DNAH5: variants seen among roughly 807,000 people sequenced by gnomAD.
DNAH5 encodes the protein axonemal beta dynein heavy chain 5.
A neutral mutation model predicts 518.2 loss-of-function variants in DNAH5; 372 were observed. That is an observed-to-expected ratio of 0.72 (90% CI 0.66 to 0.78). The LOEUF (loss-of-function observed/expected upper bound fraction) is 0.78. Among genes scored for constraint, DNAH5 ranks in the 30% least tolerant of loss-of-function variants. DNAH5 has a pLI of 0.00. For synonymous variants in DNAH5, 2,039 were observed against 2,025.9 expected (o/e 1.01, Z -0.17); for missense variants, 5,523 against 5,687.0 (o/e 0.97, Z 0.93).
At chr5:13,778,570 GAAAGAAAGAAAGAAAGAAAGAAAGAA>G (rs1376805998) in intron 53 of DNAH5, among the ~76,000 whole-genome samples, 126 of 72,018 alleles carry the variant, frequency 1.7e-3, no homozygotes, top group African/African-American at 6.3e-3. Flanking sequence ...AAGAAAGAAA[GAAAGAAAGAAAGAAAGAAAGAAAGAA>G]AGAGAGAGAG....
chr5:13,731,597 G>T (rs187005138), intron 68 of DNAH5, among the ~76,000 whole-genome samples: 11 of 152,222 alleles, frequency 7.2e-5, no homozygotes, highest in Admixed American at 3.3e-4. Flanking sequence ...GGAATAATTC[G>T]AAATAAATTG....
intron 73 of DNAH5, 32 bp from the exon 74 acceptor site, chr5:13,716,722 C>A: frequency 1.4e-6 from 2 of 1,456,698 alleles, no homozygotes; most frequent in Non-Finnish European, 9.6e-7. Flanking sequence ...TTATGTAGAA[C>A]TGACTACCGT....
chr5:13,793,342 C>A (rs1757296951), intron 49 of DNAH5, among the ~76,000 whole-genome samples, 173 bp downstream of exon 49: 1 of 152,116 alleles, frequency 6.6e-6, no homozygotes, highest in Admixed American at 6.5e-5. Flanking sequence ...TCAGGAAACA[C>A]CTAGAATCAA....
intron 47 of DNAH5, among the ~76,000 whole-genome samples, chr5:13,807,215 G>A (rs932031322): frequency 2.0e-5 from 3 of 152,160 alleles, no homozygotes; most frequent in Admixed American, 2.0e-4. Flanking sequence ...AAAGTGCCTA[G>A]CCTAAAAGAG....
chr5:13,803,103 T>C (rs933985782), intron 47 of DNAH5, among the ~76,000 whole-genome samples: 4 of 152,220 alleles, frequency 2.6e-5, no homozygotes, highest in Non-Finnish European at 5.9e-5. Context: ...ATTATTTCTA[T>C]GTGTAGCTCT....
At chr5:13,909,283 A>T (rs903670473) in intron 12 of DNAH5, among the ~76,000 whole-genome samples, 2 of 152,218 alleles carry the variant, frequency 1.3e-5, no homozygotes, top group Non-Finnish European at 2.9e-5. Context: ...TTTACAAAAT[A>T]GGCAGAGTAA....
At chr5:13,985,188 A>G (rs1581112209) in intron 1 of DNAH5, among the ~76,000 whole-genome samples, 1 of 150,996 alleles carries the variant, frequency 6.6e-6, no homozygotes, top group African/African-American at 2.4e-5. Context: ...ACAAAAAACC[A>G]AACATTGCAT....
Position 13,866,301 on chromosome 5 carries a change from A to T in DNAH5, c.4054-19T>A. 6.2e-7 allele frequency: 1 copy of T among 1,608,436 alleles called. No homozygotes were observed. The highest frequency in any genetic ancestry group is 2.2e-5 in the East Asian group (1 of 44,788). On this transcript the variant is annotated intron_variant, in intron 25 of 78. Coordinates refer to ENST00000265104, the MANE Select transcript of DNAH5 (RefSeq NM_001369.3). ...GACCATTCTGAACAAAAAGTAAAAA[A>T]AGAAAAATAGAAGGAAGTGTTTGCA...
At chr5:13,759,648 A>AAC (rs1429646759) in intron 60 of DNAH5, among the ~76,000 whole-genome samples, 1 of 152,230 alleles carries the variant, frequency 6.6e-6, no homozygotes, top group Non-Finnish European at 1.5e-5. Flanking sequence ...ACTAATTAAA[A>AAC]ATGTTTATTT....
intron 16 of DNAH5, 72 bp downstream of exon 16, chr5:13,894,578 A>C: frequency 1.3e-6 from 2 of 1,505,892 alleles, no homozygotes; most frequent in Non-Finnish European, 1.8e-6. Flanking sequence ...CATATTGATA[A>C]GAAATTATTC....
At chr5:13,828,806 C>T (rs1459121432) in intron 38 of DNAH5, among the ~76,000 whole-genome samples, 1 of 152,136 alleles carries the variant, frequency 6.6e-6, no homozygotes, top group African/African-American at 2.4e-5. Flanking sequence ...GTAGATTGTC[C>T]CCATTCGAGC....
intron 49 of DNAH5, among the ~76,000 whole-genome samples, chr5:13,792,667 C>A (rs374275161): frequency 7.8e-5 from 11 of 141,240 alleles, no homozygotes; most frequent in Admixed American, 1.4e-4. Flanking sequence ...TGATAACAGT[C>A]ATTTTTTTCT....
chr5:13,995,702 G>C (rs1014773951), intron 1 of DNAH5, among the ~76,000 whole-genome samples: 2 of 152,048 alleles, frequency 1.3e-5, no homozygotes, highest in Non-Finnish European at 2.9e-5. Flanking sequence ...AGATGATATG[G>C]ACAGATAATA....
chr5:13,733,948 T>G (rs1219044821), intron 68 of DNAH5, among the ~76,000 whole-genome samples: 1 of 152,194 alleles, frequency 6.6e-6, no homozygotes, highest in Non-Finnish European at 1.5e-5. Context: ...GTATACTAGA[T>G]GAATCTATTT....
chr5:13,728,617 C>T (rs971801128), intron 69 of DNAH5, among the ~76,000 whole-genome samples: 1 of 152,088 alleles, frequency 6.6e-6, no homozygotes. Context: ...CCCCTAAGTA[C>T]ATGGTAGTAA....
chr5:13,703,118 C>G (rs879627660), intron 76 of DNAH5, among the ~76,000 whole-genome samples: 5 of 152,080 alleles, frequency 3.3e-5, no homozygotes, highest in Admixed American at 6.5e-5. Context: ...ACATTCTCTC[C>G]ATCCCTTCTC....
chr5:13,793,777 G>A (rs369086604), intron 48 of DNAH5, 49 bp from the exon 49 acceptor site: 612 of 1,587,744 alleles, frequency 3.9e-4, no homozygotes, highest in Non-Finnish European at 4.9e-4. Flanking sequence ...TTCTATCCCC[G>A]GAGCCTAACT....
intron 74 of DNAH5, among the ~76,000 whole-genome samples, chr5:13,715,475 G>C (rs1744163947): frequency 6.6e-6 from 1 of 152,192 alleles, no homozygotes; most frequent in Non-Finnish European, 1.5e-5. Flanking sequence ...ATGCAGTACA[G>C]TAAAACAAAT....
rs113135839 is a variant in DNAH5, at chr5:13,889,810, C to A, written c.2577+1166G>T. Among the ~76,000 whole-genome samples, 164 of 152,248 alleles carry A rather than the reference C, an allele frequency of 1.1e-3. 1 individual carries two copies. The highest frequency in any genetic ancestry group is 3.7e-3 in the African/African-American group (154 of 41,536). ...AGCCTGGACAGGGACTCCCCAGACA[C>A]CACCTGTCTTTGTTCCTTATGATCC... is the stretch of plus-strand genomic sequence containing the variant. On this transcript the variant is annotated intron_variant, in intron 17 of 78. Transcript: ENST00000265104.
Sources: gnomAD v4.1 joint callset for allele counts (sites outside exome capture counted in the v4.1 genomes callset) on GRCh38, gnomAD v4.1.1 for gene constraint, MANE v1.5 for transcripts, NCBI Gene and HGNC (gene_info 2026-07-23, HGNC 2026-07-21) for gene names.